VCP: variants seen among roughly 807,000 people sequenced by gnomAD.
The protein encoded by VCP is valosin containing protein.
A neutral mutation model predicts 85.7 loss-of-function variants in VCP; 6 were observed. The ratio of observed to expected loss-of-function variants is 0.07; its 90% CI spans 0.04 to 0.14. The LOEUF is 0.14. Among genes scored for constraint, VCP ranks in the 10% least tolerant of loss-of-function variants. The pLI, the probability that VCP is intolerant of heterozygous loss-of-function variation, is 1.00. For missense variants in VCP, 353 were observed against 1,043.4 expected (o/e 0.34, Z 9.12); for synonymous variants, 384 against 367.1 (o/e 1.05, Z -0.53).
rs1438936768 is a variant in VCP at position 35,072,410 on chromosome 9, G to A, written c.-57C>T. Reference sequence around the variant, plus strand: ...CGGCCCGCGGGTAACGGCTACGAGCGGTGGCAAGCGACCGACTGGGCCGGG... The same window carrying A: ...CGGCCCGCGGGTAACGGCTACGAGCAGTGGCAAGCGACCGACTGGGCCGGG... On this transcript the variant is annotated 5_prime_UTR_variant, in exon 1 of 17. Coordinates refer to ENST00000358901, the MANE Select transcript of VCP (RefSeq NM_007126.5). 2.1e-6 allele frequency: 3 copies of A among 1,456,078 alleles called. No individual in the cohort carries two copies. The highest frequency in any genetic ancestry group is 2.7e-6 in the Non-Finnish European group (3 of 1,109,722). 90.2% of individuals were successfully genotyped at this position (1,456,078 alleles called of 1,614,324 possible).
At chr9:35,072,295 G>A (rs1304247662) in intron 1 of VCP, 42 bp downstream of exon 1, 1 of 1,483,386 alleles carries the variant, frequency 6.7e-7, no homozygotes, top group Non-Finnish European at 8.9e-7. Context: ...GCTGGTCCCG[G>A]TGCGCGCCGC....
chr9:35,064,031 T>C lies in VCP; in HGVS notation c.708+123A>G, dbSNP rs192323336. The stretch of plus-strand genomic sequence containing the variant: ...CTTAGGTAAACTAAAGGATACGTTA[T>C]TGCCCCTCTAATCCAAGGCAATAAT... On this transcript the variant is annotated intron_variant, in intron 6 of 16. Coordinates refer to ENST00000358901, the MANE Select transcript of VCP (RefSeq NM_007126.5). 5.2e-5 allele frequency: 78 copies of C among 1,495,664 alleles called. No homozygotes were observed. In the African/African-American group the frequency reaches 6.7e-4, roughly 13 times the overall value. The allele number at this position is 1,495,664 out of a possible 1,614,324, so 92.6% of individuals were successfully genotyped here. A position where few individuals can be genotyped will look rare whatever the true frequency, so the allele number is the denominator to read the frequency against.
Position 35,060,929 on chromosome 9 carries a change from A to G in VCP, c.1360-6T>C, listed in dbSNP as rs370296303. ...TTACTCTGGCTCAAGGCCCACTAGA[A>G]AAGGAGGGAAAACTGGGGATGAGAC... On this transcript the variant is annotated splice_region_variant and splice_polypyrimidine_tract_variant and intron_variant, in intron 11 of 16. Transcript: ENST00000358901. 9.3e-6 allele frequency: 15 copies of G among 1,614,046 alleles called. No individual in the cohort carries two copies. The African/African-American group carries it at 1.7e-4, about 19-fold the overall frequency.
rs757712897 is a variant in VCP at position 35,057,126 on chromosome 9, C to T, written c.2412G>A (p.Leu804=). Residue 804 remains leucine (L), a synonymous_variant, in exon 17 of 17, where the codon CTG becomes CTA. Transcript: ENST00000358901. ...SVYTEDNDDD[L]YG ...CGCTGGCCACCACCACTTAGCCATA[C>T]AGGTCATCATCATTGTCTTCTGTGT... 1.4e-4 allele frequency: 222 copies of T among 1,614,028 alleles called. No individual in the cohort carries two copies. The highest frequency in any genetic ancestry group is 1.9e-4 in the Non-Finnish European group (221 of 1,180,028).
chr9:35,064,303 A>G lies in VCP; in HGVS notation c.577-18T>C. ...TCCTCATCCTGAATATGGAGGAGAT[A>G]AAGAAAGGAGAAGGCAAGAATATTA... On this transcript the variant is annotated intron_variant, in intron 5 of 16. Coordinates refer to ENST00000358901, the MANE Select transcript of VCP (RefSeq NM_007126.5). 1 of 1,613,754 alleles carries G rather than the reference A, an allele frequency of 6.2e-7. No homozygotes were observed. The highest frequency in any genetic ancestry group is 8.5e-7 in the Non-Finnish European group (1 of 1,179,942).
At chr9:35,070,972 T>C (rs1828929522) in intron 1 of VCP, among the ~76,000 whole-genome samples, 1 of 152,318 alleles carries the variant, frequency 6.6e-6, no homozygotes, top group Non-Finnish European at 1.5e-5. Context: ...GTCTTCTGTA[T>C]AAGTCAATCC....
chr9:35,071,779 C>G (rs774962081), intron 1 of VCP: 58 of 988,750 alleles, frequency 5.9e-5, no homozygotes, highest in Non-Finnish European at 6.4e-5. Flanking sequence ...CGACCCGGCT[C>G]CAAAAAGGCG....
rs988629982 is a variant in VCP, at chr9:35,060,583, C to T, written c.1483-58G>A. The T allele has an allele frequency of 8.9e-6, 14 of 1,578,028 alleles. No homozygotes were observed. In the Admixed American group the frequency reaches 2.4e-4, roughly 27 times the overall value. On this transcript the variant is annotated intron_variant, in intron 12 of 16. Transcript: ENST00000358901. Reference sequence around the variant, plus strand: ...CCTCCACATTTTGAAAGAAACCTAACTAAACAGAAGCATCCCCTCCATTAT... The same window carrying T: ...CCTCCACATTTTGAAAGAAACCTAATTAAACAGAAGCATCCCCTCCATTAT...
chr9:35,067,447 G>T (rs1054502374), intron 3 of VCP, among the ~76,000 whole-genome samples: 2 of 152,008 alleles, frequency 1.3e-5, no homozygotes, highest in African/African-American at 4.8e-5. Context: ...GGTTAACTTA[G>T]GGGCTTAAAA....
rs1230003121 is a variant in VCP, at chr9:35,064,293, T to C, written c.577-8A>G. The C allele has an allele frequency of 6.2e-7, 1 of 1,614,026 alleles. No individual in the cohort carries two copies. Among genetic ancestry groups the C allele is most frequent in the African/African-American group, 1.3e-5 (1 of 75,054 alleles). On this transcript the variant is annotated splice_region_variant and splice_polypyrimidine_tract_variant and intron_variant, in intron 5 of 16. Transcript: ENST00000358901. Reference sequence around the variant, plus strand: ...CAAGGACTCTTCCTCATCCTGAATATGGAGGAGATAAAGAAAGGAGAAGGC... The same window carrying C: ...CAAGGACTCTTCCTCATCCTGAATACGGAGGAGATAAAGAAAGGAGAAGGC...
rs1368663145 is a variant in VCP at position 35,057,063 on chromosome 9, C to A, written c.*54G>T. The A allele has an allele frequency of 1.3e-6, 2 of 1,592,748 alleles. No homozygotes were observed. Among genetic ancestry groups the A allele is most frequent in the African/African-American group, 2.7e-5 (2 of 74,548 alleles). On this transcript the variant is annotated 3_prime_UTR_variant, in exon 17 of 17. Transcript: ENST00000358901. Reference sequence around the variant, plus strand: ...CCCTCTCCTGGGCAAGCGCCCCCACCCCCAGGGAACAAGGTCCAGGCAGGC... The same window carrying A: ...CCCTCTCCTGGGCAAGCGCCCCCACACCCAGGGAACAAGGTCCAGGCAGGC...
chr9:35,060,978 C>T (rs1054894607), intron 11 of VCP, 37 bp downstream of exon 11: 11 of 1,614,014 alleles, frequency 6.8e-6, no homozygotes, highest in Admixed American at 5.0e-5. Flanking sequence ...GGTCAAAGCA[C>T]GTATGTGTGT....
chr9:35,068,282 T>C lies in VCP; in HGVS notation c.98A>G (p.Asn33Ser), dbSNP rs1351617227. The change falls in exon 2 of 17, where the codon AAT becomes AGT. Residue 33 changes from asparagine (N) to serine (S), a missense_variant. Around this residue, in one of 8 missense-constraint regions of VCP, gnomAD observed 69 missense variants for 132.9 expected, o/e 0.52. Transcript: ENST00000358901. ...PNRLIVDEAI[N>S]EDNSVVSLSQ... ...CAAGGACACCACACTGTTGTCCTCA[T>C]TGATGGCTTCATCAACAATTAACCG... The C allele has an allele frequency of 5.0e-6, 8 of 1,614,084 alleles. No homozygotes were observed. The highest frequency in any genetic ancestry group is 1.6e-4 in the Middle Eastern group (1 of 6,084).
intron 2 of VCP, 55 bp from the exon 3 acceptor site, chr9:35,068,118 C>G: frequency 6.2e-7 from 1 of 1,612,810 alleles, no homozygotes; most frequent in Middle Eastern, 1.7e-4. Context: ...GAGTAAGCAG[C>G]AGCCCTGGAG....
In VCP at chr9:35,059,162, T is replaced by C. The variant is rs1828671183; in HGVS notation, c.2062A>G (p.Thr688Ala). The stretch of plus-strand genomic sequence containing the variant: ...TTGCAAGCACGCTGGCAAATCTCTG[T>C]CAGGTCAGCTCCAGAGAAGCCATTA... ...MTNGFSGADL[T>A]EICQRACKLA... Residue 688 changes from threonine (T) to alanine (A), a missense_variant, in exon 15 of 17, where the codon ACA becomes GCA. Transcript: ENST00000358901. This position sits in a 1 kb window ranked among gnomAD's most constrained non-coding sequence, Gnocchi z 4.9. The C allele has an allele frequency of 6.2e-7, 1 of 1,613,996 alleles. No individual in the cohort carries two copies. Among genetic ancestry groups the C allele is most frequent in the African/African-American group, 1.3e-5 (1 of 74,896 alleles).
rs1752702017 is a variant in VCP at position 35,064,175 on chromosome 9, G to A, written c.687C>T (p.Leu229=). Residue 229 remains leucine, a synonymous_variant, in exon 6 of 17, where the codon CTC becomes CTT. Transcript: ENST00000358901. The part of the protein sequence containing the change: ...MVELPLRHPA[L]FKAIGVKPPR... ...TCACCTTCACACCAATTGCCTTAAAGAGGGCAGGATGTCTCAGGGGCAGTT... is the reference window on the plus strand; with the variant it reads ...TCACCTTCACACCAATTGCCTTAAAAAGGGCAGGATGTCTCAGGGGCAGTT... 3 of 1,614,218 alleles carry A rather than the reference G, an allele frequency of 1.9e-6. No individual in the cohort carries two copies. Among genetic ancestry groups the A allele is most frequent in the South Asian group, 1.1e-5 (1 of 91,088 alleles).
chr9:35,057,450 G>A lies in VCP; in HGVS notation c.2241C>T (p.Val747=), dbSNP rs770427007. Residue 747 remains valine, a synonymous_variant, in exon 16 of 17, where the codon GTC becomes GTT. Transcript: ENST00000358901. ...EEAMRFARRS[V]SDNDIRKYEM... is the part of the protein sequence containing the mutation. ...CATACTTCCGAATGTCATTGTCACT[G>A]ACAGAACGGCGCGCAAAGCGCATGG... 1 of 1,614,108 alleles carries A rather than the reference G, an allele frequency of 6.2e-7. No homozygotes were observed. The highest frequency in any genetic ancestry group is 8.5e-7 in the Non-Finnish European group (1 of 1,180,064).
chr9:35,068,220 A>G (rs749384898), intron 2 of VCP, 31 bp downstream of exon 2: 2 of 1,609,212 alleles, frequency 1.2e-6, no homozygotes, highest in Non-Finnish European at 1.7e-6. Flanking sequence ...TAAGTGCAGT[A>G]AGGAAAGACT....
At chr9:35,066,884 G>A (rs1332521336) in intron 3 of VCP, 67 bp from the exon 4 acceptor site, 6 of 1,612,022 alleles carry the variant, frequency 3.7e-6, no homozygotes, top group Admixed American at 3.3e-5. Context: ...GTGTCCAAAA[G>A]GGCCTGGCAC....
Sources: gnomAD v4.1 joint callset for allele counts (sites outside exome capture counted in the v4.1 genomes callset) on GRCh38, gnomAD v4.1.1 for gene constraint, gnomAD v4.1.1 regional missense constraint, Gnocchi (gnomAD v3.1) non-coding constraint, MANE v1.5 for transcripts, NCBI Gene and HGNC (gene_info 2026-07-23, HGNC 2026-07-21) for gene names.